ARHGAP21: variants seen among roughly 807,000 people sequenced by gnomAD.
The protein encoded by ARHGAP21 is rho GTPase-activating protein 21.
A neutral mutation model predicts 164.6 loss-of-function variants in ARHGAP21; 38 were observed. The ratio of observed to expected loss-of-function variants is 0.23; its 90% confidence interval spans 0.18 to 0.30. The LOEUF is 0.30. ARHGAP21 is among the 10% of genes least tolerant of loss of function. The pLI is 1.00. For missense variants in ARHGAP21, 1,822 were observed against 2,370.7 expected (o/e 0.77, Z 4.81); for synonymous variants, 766 against 857.9 (o/e 0.89, Z 1.87).
intron 21 of ARHGAP21, 85 bp downstream of exon 21, chr10:24,594,865 T>C: frequency 8.9e-7 from 1 of 1,129,434 alleles, no homozygotes; most frequent in Non-Finnish European, 1.3e-6. Flanking sequence ...AAACCTTTTA[T>C]TGACTATTTG....
chr10:24,621,047 T>C lies in ARHGAP21; in HGVS notation c.848A>G (p.Asp283Gly), dbSNP rs751164470. ...ATGGTTGTTTCTATTGGATAACAAA[T>C]CTACAACCTTCTCAGAAGGCACAAT... Reference protein sequence around the residue: ...TVIVPSEKVVDLLSNRNNHTG... With the variant: ...TVIVPSEKVVGLLSNRNNHTG... The change falls in exon 9 of 26, where the codon GAT becomes GGT. Residue 283 changes from aspartate to glycine, a missense_variant. By Grantham distance (94) the Asp-to-Gly change is moderately conservative. Transcript: ENST00000396432. 3.1e-6 allele frequency: 5 copies of C among 1,613,904 alleles called. No individual in the cohort carries two copies. Among genetic ancestry groups the C allele is most frequent in the Middle Eastern group, 1.6e-4 (1 of 6,078 alleles).
chr10:24,612,670 C>A (rs936011753), intron 9 of ARHGAP21, among the ~76,000 whole-genome samples: 2 of 151,508 alleles, frequency 1.3e-5, no homozygotes, highest in African/African-American at 2.4e-5. Flanking sequence ...CTGGTTAATA[C>A]GGTGAAACCC....
At chr10:24,601,404 G>A (rs1407612290) in intron 13 of ARHGAP21, among the ~76,000 whole-genome samples, 1 of 152,146 alleles carries the variant, frequency 6.6e-6, no homozygotes, top group Non-Finnish European at 1.5e-5. Context: ...TCCAAAGTGA[G>A]CTTTCTTAAA....
At chr10:24,710,142 C>T (rs951311031) in intron 2 of ARHGAP21, among the ~76,000 whole-genome samples, 14 of 152,188 alleles carry the variant, frequency 9.2e-5, no homozygotes, top group African/African-American at 3.1e-4. Context: ...TTTTCCCTTC[C>T]TGGTCTTGTA....
At chr10:24,677,874 T>C (rs1181158749) in intron 2 of ARHGAP21, among the ~76,000 whole-genome samples, 1 of 152,198 alleles carries the variant, frequency 6.6e-6, no homozygotes, top group East Asian at 1.9e-4. Context: ...ACAGAGTAGA[T>C]ACACGGATGA....
intron 2 of ARHGAP21, among the ~76,000 whole-genome samples, chr10:24,713,646 T>A (rs187500232): frequency 6.6e-6 from 1 of 151,668 alleles, no homozygotes; most frequent in Non-Finnish European, 1.5e-5. Flanking sequence ...TTCTTTTTTT[T>A]TTTTTTTAAG....
At chr10:24,667,138 T>C (rs1377929878) in intron 3 of ARHGAP21, 129 bp from the exon 4 acceptor site, 3 of 479,772 alleles carry the variant, frequency 6.3e-6, no homozygotes, top group African/African-American at 2.0e-5. Context: ...CTAACAATAT[T>C]CTTAATGATC....
intron 4 of ARHGAP21, among the ~76,000 whole-genome samples, chr10:24,658,517 A>G (rs1400349905): frequency 1.3e-5 from 2 of 152,244 alleles, no homozygotes; most frequent in African/African-American, 4.8e-5. Flanking sequence ...GGATGAGTTC[A>G]TGTCCTTTGT....
Position 24,598,001 on chromosome 10 carries a change from T to G in ARHGAP21, c.3141A>C (p.Gly1047=), listed in dbSNP as rs537168137. 9 of 1,611,832 alleles carry G rather than the reference T, an allele frequency of 5.6e-6. No homozygotes were observed. Among genetic ancestry groups the G allele is most frequent in the Non-Finnish European group, 7.6e-6 (9 of 1,178,414 alleles). Residue 1047 remains glycine, a synonymous_variant, in exon 15 of 26, where the codon GGA becomes GGC. Transcript: ENST00000396432. ...ESSNLNEEDT[G]VTNRDLISRR... is the part of the protein sequence containing the mutation. Reference sequence around the variant, plus strand: ...GACTAATTAGATCCCTGTTAGTGACTCCAGTGTCCTACAGAATAAAGTAAA... The same window carrying G: ...GACTAATTAGATCCCTGTTAGTGACGCCAGTGTCCTACAGAATAAAGTAAA...
intron 4 of ARHGAP21, among the ~76,000 whole-genome samples, chr10:24,647,815 T>C (rs758441890): frequency 1.3e-5 from 2 of 152,214 alleles, no homozygotes; most frequent in South Asian, 2.1e-4. Context: ...AGTCAAAGTA[T>C]GTAAGAAAAG....
chr10:24,674,315 C>T (rs910107286), intron 2 of ARHGAP21, among the ~76,000 whole-genome samples: 8 of 152,168 alleles, frequency 5.3e-5, no homozygotes, highest in Admixed American at 4.6e-4. Context: ...GAGGGGATCA[C>T]CTGAGGTCAG....
At chr10:24,685,685 G>A (rs1842149197) in intron 2 of ARHGAP21, among the ~76,000 whole-genome samples, 2 of 152,110 alleles carry the variant, frequency 1.3e-5, no homozygotes, top group African/African-American at 4.8e-5. Flanking sequence ...AGATCAGCCT[G>A]GCCAACATGG....
Position 24,597,636 on chromosome 10 carries a change from T to C in ARHGAP21, c.3198-53A>G, listed in dbSNP as rs1003290282. On this transcript the variant is annotated intron_variant, in intron 15 of 25. Coordinates refer to ENST00000396432, the MANE Select transcript of ARHGAP21 (RefSeq NM_020824.4). ...AATTACAGTAATCCCCCTCTATCTA[T>C]GGTTTCAGTTACCCGTGGTGAGCCA... 1.3e-5 allele frequency: 21 copies of C among 1,599,858 alleles called. No individual in the cohort carries two copies. In the Admixed American group the frequency reaches 2.4e-4, roughly 18 times the overall value.
At chr10:24,660,042 A>G (rs898012441) in intron 4 of ARHGAP21, among the ~76,000 whole-genome samples, 3 of 152,078 alleles carry the variant, frequency 2.0e-5, no homozygotes, top group African/African-American at 7.2e-5. Flanking sequence ...CACCACCACT[A>G]CCATCATCAT....
At chr10:24,670,843 G>T (rs1376341250) in intron 2 of ARHGAP21, among the ~76,000 whole-genome samples, 1 of 152,066 alleles carries the variant, frequency 6.6e-6, no homozygotes, top group Admixed American at 6.5e-5. Flanking sequence ...GAAAATAACA[G>T]AAAAGGTCTT....
rs1392310996 is a variant in ARHGAP21 at position 24,722,132 on chromosome 10, G to C, written c.-233C>G. On this transcript the variant is annotated 5_prime_UTR_variant, in exon 2 of 26. Coordinates refer to ENST00000396432, the MANE Select transcript of ARHGAP21 (RefSeq NM_020824.4). ...TTCGCCTTCTTCTTCCATTTCTGGAGACTTAAAAACAAAGGCGACAGGTCT... is the reference window on the plus strand; with the variant it reads ...TTCGCCTTCTTCTTCCATTTCTGGACACTTAAAAACAAAGGCGACAGGTCT... The C allele has an allele frequency of 5.2e-6, 3 of 571,670 alleles. No individual in the cohort carries two copies. Among genetic ancestry groups the C allele is most frequent in the African/African-American group, 3.8e-5 (2 of 53,088 alleles). The allele number at this position is 571,670 out of a possible 1,614,324, so 35.4% of individuals were successfully genotyped here.
At chr10:24,618,470 T>C (rs554969451) in intron 9 of ARHGAP21, among the ~76,000 whole-genome samples, 1 of 152,326 alleles carries the variant, frequency 6.6e-6, no homozygotes, top group South Asian at 2.1e-4. Flanking sequence ...TTTCTGTGTC[T>C]GTGCGTGGGA....
intron 4 of ARHGAP21, among the ~76,000 whole-genome samples, chr10:24,655,360 CA>C (rs1359102405): frequency 1.3e-5 from 2 of 152,200 alleles, no homozygotes; most frequent in African/African-American, 2.4e-5. Context: ...GAAATTTTTA[CA>C]ATCTACCCAT....
In ARHGAP21 at chr10:24,620,097, G is replaced by C; in HGVS notation, c.1798C>G (p.Gln600Glu). The stretch of plus-strand genomic sequence containing the variant: ...GGCAGTGACATTCCACAAGTAGTCT[G>C]AAAATTTCTGTTTGACTGCAATGTT... ...LKTLQSNRNFQTTCGMSLPRG... is the reference protein window; with the variant it reads ...LKTLQSNRNFETTCGMSLPRG... The change falls in exon 9 of 26, where the codon CAG becomes GAG. Residue 600 changes from glutamine to glutamate, a missense_variant. Around this residue, in one of 5 missense-constraint regions of ARHGAP21, gnomAD observed 1,090 missense variants for 1,378.9 expected, o/e 0.79. Coordinates refer to ENST00000396432, the MANE Select transcript of ARHGAP21 (RefSeq NM_020824.4). 6.2e-7 allele frequency: 1 copy of C among 1,613,938 alleles called. No homozygotes were observed. The highest frequency in any genetic ancestry group is 2.2e-5 in the East Asian group (1 of 44,880).
Sources: gnomAD v4.1 joint callset for allele counts (sites outside exome capture counted in the v4.1 genomes callset) on GRCh38, gnomAD v4.1.1 for gene constraint, gnomAD v4.1.1 regional missense constraint, MANE v1.5 for transcripts, NCBI Gene and HGNC (gene_info 2026-07-23, HGNC 2026-07-21) for gene names.